Variants in PRDX4 observed in about 807,000 individuals in gnomAD.
PRDX4 encodes the protein peroxiredoxin-4.
In PRDX4, 12 loss-of-function variants were observed where a neutral mutation model predicts 20.5. The ratio of observed to expected loss-of-function variants is 0.58; its 90% CI spans 0.37 to 0.95. The LOEUF is 0.95. Ranked by LOEUF, PRDX4 falls within the 40% of genes least tolerant of loss-of-function variation. The pLI is 0.01. For synonymous variants in PRDX4, 99 were observed against 87.5 expected (o/e 1.13, Z -0.73); for missense variants, 180 against 207.3 (o/e 0.87, Z 0.81).
chrX:23,679,337 C>A, intron 4 of PRDX4, 50 bp downstream of exon 4: 1 of 1,103,572 alleles, frequency 9.1e-7, no homozygotes, highest in Non-Finnish European at 1.2e-6. Flanking sequence ...TGTTTATAAT[C>A]CTCCTTGAAA....
chrX:23,672,225 C>A (rs1927860331), intron 2 of PRDX4, among the ~76,000 whole-genome samples: 1 of 111,652 alleles, frequency 9.0e-6, no homozygotes, highest in Non-Finnish European at 1.9e-5. Flanking sequence ...AGTGCCACTG[C>A]ACTCCAGCCT....
At chrX:23,684,427 G>C (rs942373958) in intron 6 of PRDX4, among the ~76,000 whole-genome samples, 3 of 111,527 alleles carry the variant, frequency 2.7e-5, no homozygotes, top group African/African-American at 9.8e-5. Context: ...TAATACTGAA[G>C]ATAATGATTC....
chrX:23,679,973 C>A (rs1168681714), intron 4 of PRDX4, among the ~76,000 whole-genome samples: 1 of 110,071 alleles, frequency 9.1e-6, no homozygotes, highest in Non-Finnish European at 1.9e-5. Flanking sequence ...CAGAGCAAGA[C>A]TCCGTCTCAA....
At chrX:23,683,358 A>C (rs182641986) in intron 5 of PRDX4, among the ~76,000 whole-genome samples, 31 of 111,771 alleles carry the variant, frequency 2.8e-4, no homozygotes, top group African/African-American at 1.0e-3. Context: ...TGCCATGCCC[A>C]GGCCTTTCAG....
At chrX:23,669,576 G>T (rs777771089) in intron 1 of PRDX4, among the ~76,000 whole-genome samples, 1 of 111,142 alleles carries the variant, frequency 9.0e-6, no homozygotes, top group East Asian at 2.8e-4. Flanking sequence ...TTTCCTTTAA[G>T]GAGAAAAAAA....
At chrX:23,677,224 C>A (rs1249041341) in intron 3 of PRDX4, among the ~76,000 whole-genome samples, 1 of 111,416 alleles carries the variant, frequency 9.0e-6, no homozygotes, top group Non-Finnish European at 1.9e-5. Flanking sequence ...GGTGTCAGAA[C>A]TGGGGCTCCA....
intron 1 of PRDX4, among the ~76,000 whole-genome samples, chrX:23,669,975 TC>T (rs1927814431): frequency 9.1e-6 from 1 of 110,432 alleles, no homozygotes; most frequent in Admixed American, 9.7e-5. Flanking sequence ...AAGACAGACA[TC>T]AGAATGTTAA....
intron 1 of PRDX4, 83 bp downstream of exon 1, chrX:23,667,894 G>C: frequency 8.6e-7 from 1 of 1,164,196 alleles, no homozygotes; most frequent in Non-Finnish European, 1.2e-6. Context: ...TCTGGGCTTG[G>C]GCGGCACCCC....
rs1039046868 is a variant in PRDX4, at chrX:23,684,848, G to C, written c.765+1143G>C. Among the ~76,000 whole-genome samples, 90 of 111,811 alleles carry C rather than the reference G, an allele frequency of 8.0e-4. 1 individual carries two copies. Among genetic ancestry groups the C allele is most frequent in the African/African-American group, 2.8e-3 (87 of 30,757 alleles). On this transcript the variant is annotated intron_variant, in intron 6 of 6. Transcript: ENST00000379341. ...CATTTATTACCACAACCTAAAATTA[G>C]AATTAGGATATAACTCCAAGGGCAG... is the stretch of plus-strand genomic sequence containing the variant.
chrX:23,674,166 C>G (rs1927899928), intron 2 of PRDX4, among the ~76,000 whole-genome samples: 1 of 111,413 alleles, frequency 9.0e-6, no homozygotes, highest in African/African-American at 3.3e-5. Flanking sequence ...CCTGCCTGAT[C>G]CCTTTCAGAA....
At chrX:23,667,964 A>G (rs997330908) in intron 1 of PRDX4, among the ~76,000 whole-genome samples, 153 bp downstream of exon 1, 1 of 111,779 alleles carries the variant, frequency 8.9e-6, no homozygotes, top group Admixed American at 9.4e-5. Context: ...GGGGAGGGGA[A>G]TAAAGGGGAG....
chrX:23,675,016 T>C lies in PRDX4; in HGVS notation c.386T>C (p.Ile129Thr), dbSNP rs1226948134. 5.0e-6 allele frequency: 6 copies of C among 1,208,957 alleles called. No homozygotes were observed. The highest frequency in any genetic ancestry group is 3.0e-5 in the East Asian group (1 of 33,747). The change falls in exon 3 of 7, where the codon ATC becomes ACC. Residue 129 changes from isoleucine (I) to threonine (T), a missense_variant. Around this residue, in one of 3 missense-constraint regions of PRDX4, gnomAD observed 105 missense variants for 114.2 expected, o/e 0.92. Transcript: ENST00000379341. ...DFTFVCPTEI[I>T]AFGDRLEEFR... ...ACATTTGTGTGTCCAACTGAAATTA[T>C]CGCTTTTGGCGACAGACTTGAAGAA...
At chrX:23,678,287 GAAAC>G (rs202111486) in intron 3 of PRDX4, among the ~76,000 whole-genome samples, 139 of 105,111 alleles carry the variant, frequency 1.3e-3, no homozygotes, top group Admixed American at 0.011. Flanking sequence ...AAGAAAGAAA[GAAAC>G]AACCCCATCT....
intron 2 of PRDX4, among the ~76,000 whole-genome samples, chrX:23,672,718 T>C (rs1167667839): frequency 8.9e-6 from 1 of 111,741 alleles, no homozygotes; most frequent in Admixed American, 9.6e-5. Flanking sequence ...CTTTTTCCAT[T>C]AGGACTAATC....
intron 6 of PRDX4, 51 bp from the exon 7 acceptor site, chrX:23,686,234 G>GTACTT (rs747206763): frequency 5.9e-5 from 60 of 1,020,422 alleles, no homozygotes; most frequent in Non-Finnish European, 7.2e-5. Context: ...TACTCATTAT[G>GTACTT]TACTTTGGCT....
intron 2 of PRDX4, among the ~76,000 whole-genome samples, chrX:23,673,032 T>G (rs1363939711): frequency 1.8e-5 from 2 of 112,188 alleles, no homozygotes; most frequent in Non-Finnish European, 3.8e-5. Flanking sequence ...AAACCAGAAG[T>G]AGAAATTTCA....
At chrX:23,677,065 A>G (rs1927963793) in intron 3 of PRDX4, among the ~76,000 whole-genome samples, 1 of 111,174 alleles carries the variant, frequency 9.0e-6, no homozygotes, top group African/African-American at 3.3e-5. Context: ...TCACTTCTGT[A>G]GTAATTATAA....
chrX:23,671,127 ACTTGCTTGTAC>A (rs1456628457), intron 1 of PRDX4, among the ~76,000 whole-genome samples: 1 of 111,919 alleles, frequency 8.9e-6, no homozygotes, highest in Non-Finnish European at 1.9e-5. Context: ...CTTCAGCAGC[ACTTGCTTGTAC>A]CTTTCACCAA....
intron 5 of PRDX4, among the ~76,000 whole-genome samples, chrX:23,682,846 AAAAAAAAATAT>A: frequency 1.6e-5 from 1 of 62,693 alleles, no homozygotes; most frequent in Non-Finnish European, 3.0e-5. Flanking sequence ...AAAAAAAAAA[AAAAAAAAATAT>A]ATATATATAT....
Sources: allele counts gnomAD v4.1 joint callset (sites outside exome capture counted in the v4.1 genomes callset), GRCh38; gene constraint gnomAD v4.1.1; regional missense constraint gnomAD v4.1.1; transcripts MANE v1.5; gene names NCBI Gene and HGNC (gene_info 2026-07-23, HGNC 2026-07-21).